The following SQSTM1 variants were observed in gnomAD, a reference collection of about 807,000 sequenced individuals.
SQSTM1 encodes the protein sequestosome-1.
In SQSTM1, 36 loss-of-function variants were observed where a neutral mutation model predicts 45.1. The ratio of observed to expected loss-of-function variants is 0.80; its 90% confidence interval spans 0.61 to 1.05. The LOEUF is 1.05. Among genes scored for constraint, SQSTM1 ranks in the 50% least tolerant of loss-of-function variants. The probability of loss-of-function intolerance (pLI) is 0.00; values close to 1 mark genes in which losing one functional copy is unlikely to be tolerated. For synonymous variants in SQSTM1, 290 were observed against 244.3 expected (o/e 1.19, Z -1.74); for missense variants, 617 against 607.1 (o/e 1.02, Z -0.17).
At chr5:179,833,530 G>A in intron 6 of SQSTM1, 57 bp from the exon 7 acceptor site, 1 of 1,586,472 alleles carries the variant, frequency 6.3e-7, no homozygotes, top group Non-Finnish European at 8.6e-7. Flanking sequence ...CAGGGCCATG[G>A]TCAGGCTTGG....
Position 179,836,675 on chromosome 5 carries a change from C to A in SQSTM1, c.*82C>A. ...TTGCGTAGAATTGCAGGTCTCTGTA[C>A]GGGCCAGTTTCTCTGCCTTCTTCCA... On this transcript the variant is annotated 3_prime_UTR_variant, in exon 8 of 8. Coordinates refer to ENST00000389805, the MANE Select transcript of SQSTM1 (RefSeq NM_003900.5). 1 of 1,598,930 alleles carries A rather than the reference C, an allele frequency of 6.3e-7. No homozygotes were observed. The highest frequency in any genetic ancestry group is 8.6e-7 in the Non-Finnish European group (1 of 1,166,724).
intron 5 of SQSTM1, among the ~76,000 whole-genome samples, chr5:179,831,153 G>T (rs1046306795): frequency 6.6e-6 from 1 of 152,200 alleles, no homozygotes; most frequent in Non-Finnish European, 1.5e-5. Context: ...GGAAACGGGG[G>T]ACCTAACAGG....
intron 1 of SQSTM1, among the ~76,000 whole-genome samples, chr5:179,808,644 C>T (rs111600105): frequency 0.022 from 3,305 of 151,924 alleles, 78 homozygotes; most frequent in African/African-American, 0.046. Context: ...GGTGAAACCC[C>T]GTCTCTACTA....
At chr5:179,836,248 G>A (rs1758548332) in intron 7 of SQSTM1, 188 bp from the exon 8 acceptor site, 1 of 730,166 alleles carries the variant, frequency 1.4e-6, no homozygotes. Context: ...GAGTTGAGCA[G>A]TGTGAAAAAG....
chr5:179,831,125 T>C (rs1394366501), intron 5 of SQSTM1, among the ~76,000 whole-genome samples: 2 of 152,300 alleles, frequency 1.3e-5, no homozygotes, highest in East Asian at 1.9e-4. Flanking sequence ...AAACCCAAAA[T>C]GAAGCACAGA....
At chr5:179,807,983 C>T (rs1757254128) in intron 1 of SQSTM1, 1 of 152,298 alleles carries the variant, frequency 6.6e-6, no homozygotes, top group Admixed American at 6.5e-5. Context: ...GTTCCTCAAT[C>T]CTCTGTGGAA....
Position 179,825,151 on chromosome 5 carries a change from G to A in SQSTM1, c.679G>A (p.Gly227Ser), listed in dbSNP as rs772861524. 5.0e-6 allele frequency: 8 copies of A among 1,614,002 alleles called. No homozygotes were observed. In the East Asian group the frequency reaches 1.8e-4, roughly 36 times the overall value. Residue 227 changes from glycine (G) to serine (S), a missense_variant, in exon 5 of 8, where the codon GGT becomes AGT. By Grantham distance (56) the Gly-to-Ser change is moderately conservative. Coordinates refer to ENST00000389805, the MANE Select transcript of SQSTM1 (RefSeq NM_003900.5). The part of the protein sequence containing the change: ...RPGPTAESAS[G>S]PSEDPSVNFL... ...TATCTTTGTAAAAATCAAAGCTTCT[G>A]GTCCATCGGAGGATCCGAGTGTGAA...
intron 4 of SQSTM1, 86 bp downstream of exon 4, chr5:179,824,409 A>G (rs1303751861): frequency 8.8e-6 from 14 of 1,598,246 alleles, no homozygotes; most frequent in African/African-American, 1.3e-5. Flanking sequence ...GCGTGTGTGC[A>G]AGGCAAGAAT....
At chr5:179,832,259 C>G (rs1332976502) in intron 5 of SQSTM1, among the ~76,000 whole-genome samples, 1 of 152,166 alleles carries the variant, frequency 6.6e-6, no homozygotes, top group Non-Finnish European at 1.5e-5. Flanking sequence ...GGAGTGTGCA[C>G]CACAGCCTTT....
At chr5:179,814,374 G>A (rs1757518601), upstream of SQSTM1, among the ~76,000 whole-genome samples, 1 of 152,158 alleles carries the variant, frequency 6.6e-6, no homozygotes. Context: ...CCTAGGGAAT[G>A]GCCCTTCTGG....
At position 179,806,521 on chromosome 5, in the gene SQSTM1, C is replaced by T. The variant is rs1010038952; in HGVS notation, c.-227C>T. The T allele has an allele frequency of 2.5e-5, 34 of 1,337,830 alleles. No individual in the cohort carries two copies. The Admixed American group carries it at 5.4e-4, about 21-fold the overall frequency. The allele number at this position is 1,337,830 out of a possible 1,614,324, so 82.9% of individuals were successfully genotyped here. A position where few individuals can be genotyped will look rare whatever the true frequency, so the allele number is the denominator to read the frequency against. On this transcript the variant is annotated 5_prime_UTR_variant, in exon 1 of 6. Coordinates refer to the SQSTM1 transcript ENST00000514093. This position sits in a 1 kb window ranked among gnomAD's most constrained non-coding sequence, Gnocchi z 4.6. Reference sequence around the variant, plus strand: ...CGCTGAGTGCCGCGTACCAGGACAGCGAGAGGAAGGCGCACAGGCAGAAGA... The same window carrying T: ...CGCTGAGTGCCGCGTACCAGGACAGTGAGAGGAAGGCGCACAGGCAGAAGA...
intron 5 of SQSTM1, among the ~76,000 whole-genome samples, chr5:179,831,559 G>A (rs1487674120): frequency 6.6e-6 from 1 of 152,072 alleles, no homozygotes; most frequent in Admixed American, 6.5e-5. Context: ...CTACTCGGGA[G>A]GCTGAGGCAG....
intron 7 of SQSTM1, among the ~76,000 whole-genome samples, chr5:179,834,013 A>C (rs1215952176): frequency 5.3e-5 from 8 of 152,040 alleles, no homozygotes; most frequent in African/African-American, 1.9e-4. Flanking sequence ...CAAACTCCAG[A>C]GCCAGGAATA....
chr5:179,822,629 C>T (rs1582005695), intron 1 of SQSTM1: 6 of 375,772 alleles, frequency 1.6e-5, no homozygotes, highest in South Asian at 2.1e-5. Flanking sequence ...TGGGCCTGGT[C>T]GGATGGGGAA....
intron 6 of SQSTM1, 25 bp from the exon 7 acceptor site, chr5:179,833,562 G>GT (rs1758350323): frequency 6.2e-7 from 1 of 1,613,684 alleles, no homozygotes; most frequent in Non-Finnish European, 8.5e-7. Context: ...TGTCTCCTGT[G>GT]TGCTCATGGT....
chr5:179,825,058 A>G, intron 4 of SQSTM1, 88 bp from the exon 5 acceptor site: 1 of 1,371,804 alleles, frequency 7.3e-7, no homozygotes, highest in Non-Finnish European at 1.0e-6. Flanking sequence ...ACCCGGGAAC[A>G]CAGGGACCTT....
rs1449269769 is a variant in SQSTM1, at chr5:179,821,140, C to G, written c.204C>G (p.Arg68=). ...LRPGGFQAHY[R]DEDGDLVAFS... The stretch of plus-strand genomic sequence containing the variant: ...CTGGCGGCTTCCAGGCGCACTACCG[C>G]GGTGAGCGGGCCGGGGAGCGGCGGG... The change falls in exon 1 of 8, where the codon CGC becomes CGG. Residue 68 remains arginine, a splice_region_variant and synonymous_variant. Transcript: ENST00000389805. 13 of 1,348,652 alleles carry G rather than the reference C, an allele frequency of 9.6e-6. No individual in the cohort carries two copies. Among genetic ancestry groups the G allele is most frequent in the African/African-American group, 1.5e-5 (1 of 64,956 alleles). The allele number at this position is 1,348,652 out of a possible 1,614,324, so 83.5% of individuals were successfully genotyped here. A position where few individuals can be genotyped will look rare whatever the true frequency, so the allele number is the denominator to read the frequency against.
At chr5:179,827,230 T>A (rs1458984470) in intron 5 of SQSTM1, among the ~76,000 whole-genome samples, 1 of 152,192 alleles carries the variant, frequency 6.6e-6, no homozygotes, top group African/African-American at 2.4e-5. Flanking sequence ...GACCCACCTG[T>A]GCTGGTGCAG....
chr5:179,821,086 G>C lies in SQSTM1; in HGVS notation c.150G>C (p.Arg50=). The C allele has an allele frequency of 6.8e-7, 1 of 1,468,026 alleles. No individual in the cohort carries two copies. The highest frequency in any genetic ancestry group is 9.0e-7 in the Non-Finnish European group (1 of 1,112,376). 90.9% of individuals were successfully genotyped at this position (1,468,026 alleles called of 1,614,324 possible). Residue 50 remains arginine (R), a synonymous_variant, in exon 1 of 8, where the codon CGG becomes CGC. Coordinates refer to ENST00000389805, the MANE Select transcript of SQSTM1 (RefSeq NM_003900.5). ...GPGPCERLLS[R]VAALFPALRP... ...GACCCTGCGAGCGGCTGCTGAGCCG[G>C]GTGGCCGCCCTGTTCCCCGCGCTGC...
Sources: gnomAD v4.1 joint callset for allele counts (sites outside exome capture counted in the v4.1 genomes callset) on GRCh38, gnomAD v4.1.1 for gene constraint, Gnocchi (gnomAD v3.1) non-coding constraint, MANE v1.5 for transcripts, NCBI Gene and HGNC (gene_info 2026-07-23, HGNC 2026-07-21) for gene names.